Variants in AFG3L2 observed in about 807,000 individuals in gnomAD.
AFG3L2 encodes mitochondrial inner membrane m-AAA protease component AFG3L2.
AFG3L2 carries 54 observed loss-of-function variants against 94.5 expected under a neutral mutation model. That is an observed-to-expected ratio of 0.57 (90% CI 0.46 to 0.72). The LOEUF is 0.72. Ranked by LOEUF, AFG3L2 falls within the 30% of genes least tolerant of loss-of-function variation. The pLI is 0.00. For missense variants in AFG3L2, 754 were observed against 994.9 expected (o/e 0.76, Z 3.26); for synonymous variants, 377 against 365.5 (o/e 1.03, Z -0.36).
At chr18:12,373,237 A>G (rs1909045659) in intron 1 of AFG3L2, among the ~76,000 whole-genome samples, 1 of 152,184 alleles carries the variant, frequency 6.6e-6, no homozygotes, top group Admixed American at 6.5e-5. Context: ...TGAAATAACC[A>G]CTGATAACAG....
At position 12,366,964 on chromosome 18, in the gene AFG3L2, C is replaced by T; in HGVS notation, c.552+1G>A. On this transcript the variant is annotated splice_donor_variant, in intron 5 of 16. Transcript: ENST00000269143. LOFTEE classifies it high-confidence loss of function. Reference sequence around the variant, plus strand: ...AGCCACCAATCCCATAAAATACTTACTACTCCTTTTGAAAGATAGTTATTG... The same window carrying T: ...AGCCACCAATCCCATAAAATACTTATTACTCCTTTTGAAAGATAGTTATTG... The T allele has an allele frequency of 6.2e-7, 1 of 1,614,200 alleles. No individual in the cohort carries two copies. The highest frequency in any genetic ancestry group is 8.5e-7 in the Non-Finnish European group (1 of 1,180,016).
intron 4 of AFG3L2, 76 bp from the exon 5 acceptor site, chr18:12,367,193 C>T: frequency 6.2e-7 from 1 of 1,612,104 alleles, no homozygotes; most frequent in Admixed American, 1.7e-5. Flanking sequence ...GACACAAATC[C>T]CTCCAACACT....
intron 8 of AFG3L2, among the ~76,000 whole-genome samples, chr18:12,357,111 T>C (rs1908520655): frequency 6.6e-6 from 1 of 152,220 alleles, no homozygotes; most frequent in Non-Finnish European, 1.5e-5. Flanking sequence ...TAACAGTATG[T>C]AAAGGGTGAC....
At chr18:12,375,055 C>CAA (rs201750735) in intron 1 of AFG3L2, among the ~76,000 whole-genome samples, 12 of 100,856 alleles carry the variant, frequency 1.2e-4, no homozygotes, top group African/African-American at 2.5e-4. Context: ...GACCCTGTCT[C>CAA]AAAAAAAAAA....
chr18:12,375,903 C>A (rs1159713943), intron 1 of AFG3L2, among the ~76,000 whole-genome samples: 2 of 152,156 alleles, frequency 1.3e-5, no homozygotes, highest in Non-Finnish European at 2.9e-5. Context: ...GCGGGAGGAT[C>A]GCTTGAGTTT....
At chr18:12,335,245 A>G (rs1018233842) in intron 16 of AFG3L2, among the ~76,000 whole-genome samples, 1 of 152,086 alleles carries the variant, frequency 6.6e-6, no homozygotes, top group Non-Finnish European at 1.5e-5. Context: ...CCCTCTGCCA[A>G]CCTGAGACAA....
chr18:12,331,202 G>A (rs1414850581), intron 16 of AFG3L2, among the ~76,000 whole-genome samples: 1 of 152,174 alleles, frequency 6.6e-6, no homozygotes, highest in Non-Finnish European at 1.5e-5. Context: ...CAGGTATGCA[G>A]CCTAGGAGCA....
chr18:12,339,675 T>C (rs532654165), intron 15 of AFG3L2, among the ~76,000 whole-genome samples: 67 of 150,318 alleles, frequency 4.5e-4, no homozygotes, highest in Middle Eastern at 3.5e-3. Context: ...GGTGAAACCC[T>C]GTCTCTACTA....
intron 9 of AFG3L2, among the ~76,000 whole-genome samples, chr18:12,354,797 T>G (rs1409407076): frequency 7.9e-6 from 1 of 126,746 alleles, no homozygotes; most frequent in Non-Finnish European, 1.7e-5. Flanking sequence ...ACAGCTCCTC[T>G]CCTGTCTTCA....
intron 16 of AFG3L2, among the ~76,000 whole-genome samples, chr18:12,332,853 C>T (rs1011100123): frequency 1.2e-5 from 1 of 81,178 alleles, no homozygotes; most frequent in African/African-American, 3.7e-5. Flanking sequence ...CACACACACA[C>T]ACCATAGTTG....
rs891598118 is a variant in AFG3L2, at chr18:12,368,223, G to A, written c.293-841C>T. 1.4e-4 allele frequency among the ~76,000 whole-genome samples: 22 copies of A among 151,926 alleles called. No homozygotes were observed. In the East Asian group the frequency reaches 1.5e-3, roughly 11 times the overall value. On this transcript the variant is annotated intron_variant, in intron 3 of 16. Coordinates refer to ENST00000269143, the MANE Select transcript of AFG3L2 (RefSeq NM_006796.3). ...ATAAAATAAAAATTAGCCAGGCATCGTAGTGTGCACCTGTGGTCCCAGCTA... is the reference window on the plus strand; with the variant it reads ...ATAAAATAAAAATTAGCCAGGCATCATAGTGTGCACCTGTGGTCCCAGCTA...
intron 13 of AFG3L2, among the ~76,000 whole-genome samples, chr18:12,346,504 C>A (rs74358268): frequency 0.025 from 3,820 of 152,284 alleles, 64 homozygotes; most frequent in Non-Finnish European, 0.041. Context: ...GGTGCTCCCC[C>A]CTGATAAGCT....
At chr18:12,348,191 A>C in intron 13 of AFG3L2, 82 bp downstream of exon 13, 1 of 1,210,682 alleles carries the variant, frequency 8.3e-7, no homozygotes, top group Non-Finnish European at 1.2e-6. Flanking sequence ...CTTTGCTTCT[A>C]GTTCTTGCCC....
intron 14 of AFG3L2, chr18:12,343,148 T>C (rs1908008676): frequency 6.6e-6 from 1 of 152,250 alleles, no homozygotes; most frequent in South Asian, 2.1e-4. Flanking sequence ...GTCCTACAAA[T>C]ATTTTCTTAA....
intron 6 of AFG3L2, 141 bp downstream of exon 6, chr18:12,363,640 TA>T: frequency 1.4e-6 from 1 of 689,984 alleles, no homozygotes; most frequent in Non-Finnish European, 2.6e-6. Context: ...CTGATGTTAG[TA>T]AGATCACCCC....
At chr18:12,352,502 A>G (rs1908348738) in intron 10 of AFG3L2, among the ~76,000 whole-genome samples, 1 of 152,224 alleles carries the variant, frequency 6.6e-6, no homozygotes, top group South Asian at 2.1e-4. Context: ...TCTCTTAGTA[A>G]AAAAGTATTC....
At chr18:12,355,512 G>A (rs1908464646) in intron 9 of AFG3L2, among the ~76,000 whole-genome samples, 5 of 152,114 alleles carry the variant, frequency 3.3e-5, no homozygotes, top group Admixed American at 3.3e-4. Context: ...AAAACAGTCT[G>A]GTGGTTCCTT....
rs182568580 is a variant in AFG3L2 at position 12,368,466 on chromosome 18, A to G, written c.293-1084T>C. On this transcript the variant is annotated intron_variant, in intron 3 of 16. Transcript: ENST00000269143. ...GTGCAGGAAAGCCCATGGTTTTGAC[A>G]AATGGCTAAAAAAACACACCCACAG... 1.5e-3 allele frequency among the ~76,000 whole-genome samples: 221 copies of G among 152,382 alleles called. 5 individuals are homozygous for G. The highest frequency in any genetic ancestry group is 0.011 in the Admixed American group (176 of 15,308).
intron 12 of AFG3L2, among the ~76,000 whole-genome samples, chr18:12,349,737 C>A (rs1195130677): frequency 6.6e-6 from 1 of 152,172 alleles, no homozygotes; most frequent in African/African-American, 2.4e-5. Context: ...TCTCAGCTCA[C>A]TGCAACCTCC....
Sources: allele counts gnomAD v4.1 joint callset (sites outside exome capture counted in the v4.1 genomes callset), GRCh38; gene constraint gnomAD v4.1.1; transcripts MANE v1.5; gene names NCBI Gene and HGNC (gene_info 2026-07-23, HGNC 2026-07-21).